COL5A2: variants seen among roughly 807,000 people sequenced by gnomAD.
COL5A2 encodes collagen alpha-2(V) chain.
COL5A2 carries 23 observed loss-of-function variants against 208.2 expected under a neutral mutation model. That is an observed-to-expected ratio of 0.11 (90% CI 0.08 to 0.16). The LOEUF (loss-of-function observed/expected upper bound fraction) is 0.16. COL5A2 is among the 10% of genes least tolerant of loss of function. The probability of loss-of-function intolerance (pLI) is 1.00; values close to 1 mark genes in which losing one functional copy is unlikely to be tolerated. For missense variants in COL5A2, 1,590 were observed against 1,956.4 expected (o/e 0.81, Z 3.53); for synonymous variants, 625 against 628.5 (o/e 0.99, Z 0.08).
At chr2:189,098,179 G>A (rs974289439) in intron 5 of COL5A2, among the ~76,000 whole-genome samples, 2 of 152,226 alleles carry the variant, frequency 1.3e-5, no homozygotes, top group Non-Finnish European at 2.9e-5. Flanking sequence ...AAGAACCAGA[G>A]TGAGTCCATT....
the COL5A2 span, among the ~76,000 whole-genome samples, chr2:189,340,298 G>A: frequency 6.6e-6 from 1 of 152,188 alleles, no homozygotes; most frequent in Non-Finnish European, 1.5e-5. Flanking sequence ...CTATGGCCAA[G>A]GGAATTAGAG....
In COL5A2 at chr2:189,054,150, G is replaced by A. The variant is rs2105567030; in HGVS notation, c.2445+9C>T. ...TTTTGAGTGTACAAATTAACAACTT[G>A]TGACTTACCTTTTCTCCAGTAGGAC... On this transcript the variant is annotated intron_variant, in intron 36 of 53. Transcript: ENST00000374866. 4.3e-6 allele frequency: 7 copies of A among 1,613,180 alleles called. No individual in the cohort carries two copies. Among genetic ancestry groups the A allele is most frequent in the East Asian group, 2.2e-5 (1 of 44,864 alleles).
intron 1 of COL5A2, among the ~76,000 whole-genome samples, chr2:189,202,529 A>G (rs1466691142): frequency 6.6e-6 from 1 of 152,162 alleles, no homozygotes; most frequent in Non-Finnish European, 1.5e-5. Context: ...CACATTTAGA[A>G]GCAGTAGAAA....
At chr2:189,087,252 G>T (rs1686682751) in intron 8 of COL5A2, among the ~76,000 whole-genome samples, 1 of 152,062 alleles carries the variant, frequency 6.6e-6, no homozygotes, top group Non-Finnish European at 1.5e-5. Context: ...ACGATTTGGG[G>T]CACTGAGTTT....
the COL5A2 span, among the ~76,000 whole-genome samples, chr2:189,293,659 A>G: frequency 6.6e-6 from 1 of 152,222 alleles, no homozygotes; most frequent in South Asian, 2.1e-4. Context: ...CTCTTCAGCC[A>G]CATGAGGACA....
chr2:189,295,352 C>T, the COL5A2 span, among the ~76,000 whole-genome samples: 1 of 152,176 alleles, frequency 6.6e-6, no homozygotes, highest in Non-Finnish European at 1.5e-5. Context: ...GCCTGTAATC[C>T]CAGCACTTTG....
the COL5A2 span, among the ~76,000 whole-genome samples, chr2:189,312,777 G>A: frequency 1.3e-5 from 2 of 151,988 alleles, no homozygotes; most frequent in East Asian, 1.9e-4. Context: ...CTGGTGATAC[G>A]TCTAGGTACT....
chr2:189,248,205 T>C, the COL5A2 span, among the ~76,000 whole-genome samples: 1 of 152,226 alleles, frequency 6.6e-6, no homozygotes, highest in Non-Finnish European at 1.5e-5. Context: ...AATTAGTAGT[T>C]TTCATTTGTT....
chr2:189,383,505 C>T, the COL5A2 span, among the ~76,000 whole-genome samples: 11 of 152,038 alleles, frequency 7.2e-5, no homozygotes, highest in South Asian at 2.1e-4. Context: ...TAATTCAGTC[C>T]ATAATAGGTT....
the COL5A2 span, among the ~76,000 whole-genome samples, chr2:189,336,774 G>A: frequency 0.017 from 2,581 of 152,272 alleles, 75 homozygotes; most frequent in African/African-American, 0.059. Flanking sequence ...GGTTTGAGTG[G>A]TGACTGTACA....
rs756321922 is a variant in COL5A2 at position 189,068,897 on chromosome 2, A to G, written c.1159-13T>C. On this transcript the variant is annotated splice_polypyrimidine_tract_variant and intron_variant, in intron 18 of 53. Transcript: ENST00000374866. ...GACCTGCTTCTCCCTAAAAGGGTGC[A>G]AAGGGAAATGTTAATTTAAGAAAAA... 2.2e-5 allele frequency: 35 copies of G among 1,557,786 alleles called. No homozygotes were observed. The highest frequency in any genetic ancestry group is 3.1e-5 in the Non-Finnish European group (35 of 1,129,384).
chr2:189,186,010 AT>A (rs144544727), intron 1 of COL5A2, among the ~76,000 whole-genome samples: 3,984 of 146,854 alleles, frequency 0.027, 173 homozygotes, highest in African/African-American at 0.093. Context: ...GCAAACCATA[AT>A]TTTTTTTTTT....
chr2:189,105,845 T>C (rs117461939), intron 2 of COL5A2, among the ~76,000 whole-genome samples: 2,333 of 151,576 alleles, frequency 0.015, 50 homozygotes, highest in South Asian at 0.086. Flanking sequence ...TATATTTTTA[T>C]TATTCAACTT....
At chr2:189,182,279 A>G (rs990049800), upstream of COL5A2, among the ~76,000 whole-genome samples, 1 of 152,194 alleles carries the variant, frequency 6.6e-6, no homozygotes, top group Non-Finnish European at 1.5e-5. Flanking sequence ...TATGTTTTGT[A>G]ATAATATGTG....
chr2:189,040,242 C>T (rs1221183660), intron 50 of COL5A2, among the ~76,000 whole-genome samples: 1 of 152,106 alleles, frequency 6.6e-6, no homozygotes, highest in African/African-American at 2.4e-5. Context: ...CCCACCTTCA[C>T]CTCCTGAATA....
the COL5A2 span, among the ~76,000 whole-genome samples, chr2:189,414,940 A>G: frequency 4.6e-5 from 7 of 152,136 alleles, no homozygotes; most frequent in Non-Finnish European, 8.8e-5. Context: ...AAATATCCAA[A>G]TATTAGAATT....
At chr2:189,297,597 T>C in the COL5A2 span, among the ~76,000 whole-genome samples, 2 of 152,230 alleles carry the variant, frequency 1.3e-5, no homozygotes, top group African/African-American at 4.8e-5. Flanking sequence ...TGCTTTCATA[T>C]TGTGTGAGCT....
rs759849916 is a variant in COL5A2 at position 189,054,131 on chromosome 2, G to A, written c.2445+28C>T. 46 of 1,599,958 alleles carry A rather than the reference G, an allele frequency of 2.9e-5. No homozygotes were observed. The South Asian group carries it at 5.0e-4, about 17-fold the overall frequency. On this transcript the variant is annotated intron_variant, in intron 36 of 53. Coordinates refer to ENST00000374866, the MANE Select transcript of COL5A2 (RefSeq NM_000393.5). ...TGCTATTCAGGACTCATAATTTTGA[G>A]TGTACAAATTAACAACTTGTGACTT...
chr2:189,063,905 C>A (rs924847617), intron 26 of COL5A2, 75 bp downstream of exon 26: 78 of 1,186,210 alleles, frequency 6.6e-5, no homozygotes, highest in Non-Finnish European at 9.5e-5. Flanking sequence ...AAACATTAAC[C>A]TAAATAAATA....
Sources: gnomAD v4.1 joint callset for allele counts (sites outside exome capture counted in the v4.1 genomes callset) on GRCh38, gnomAD v4.1.1 for gene constraint, MANE v1.5 for transcripts, NCBI Gene and HGNC (gene_info 2026-07-23, HGNC 2026-07-21) for gene names.